The following RHCE variants were observed in gnomAD, a reference collection of about 807,000 sequenced individuals.
RHCE encodes the protein blood group Rh(CE) polypeptide.
A neutral mutation model predicts 43.8 loss-of-function variants in RHCE; 22 were observed. The observed-to-expected ratio is 0.50, with a 90% CI of 0.36 to 0.72. RHCE has a LOEUF of 0.72. Ranked by LOEUF, RHCE falls within the 30% of genes least tolerant of loss-of-function variation. The pLI is 0.00. For synonymous variants in RHCE, 156 were observed against 210.7 expected, an observed-to-expected ratio of 0.74 and a Z score of 2.25; for missense variants, 385 against 525.4, an observed-to-expected ratio of 0.73 and a Z score of 2.61.
intron 7 of RHCE, among the ~76,000 whole-genome samples, chr1:25,384,832 G>A (rs1646102202): frequency 6.6e-6 from 1 of 152,140 alleles, no homozygotes. Flanking sequence ...ATTTCTTAGA[G>A]TCTGAGAATA....
rs144989148 is a variant in RHCE, at chr1:25,405,290, C to T, written c.336-2544G>A. Reference sequence around the variant, plus strand: ...GGAGGATCACCTGAACCCAGTGAGGCTGAGGCTGAGTGAGCCATGAACATG... The same window carrying T: ...GGAGGATCACCTGAACCCAGTGAGGTTGAGGCTGAGTGAGCCATGAACATG... On this transcript the variant is annotated intron_variant, in intron 2 of 9. Coordinates refer to ENST00000294413, the MANE Select transcript of RHCE (RefSeq NM_020485.8). Among the ~76,000 whole-genome samples the T allele has an allele frequency of 5.3e-5, 8 of 152,254 alleles. No individual in the cohort carries two copies. In the South Asian group the frequency reaches 6.2e-4, roughly 12 times the overall value.
chr1:25,404,700 C>T (rs1240535887), intron 2 of RHCE, among the ~76,000 whole-genome samples: 4 of 151,924 alleles, frequency 2.6e-5, no homozygotes, highest in Middle Eastern at 6.8e-3. Context: ...GACTCAGACA[C>T]TTTCTGGCTG....
At chr1:25,384,939 A>C (rs1178181927) in intron 7 of RHCE, among the ~76,000 whole-genome samples, 1 of 152,238 alleles carries the variant, frequency 6.6e-6, no homozygotes, top group African/African-American at 2.4e-5. Flanking sequence ...ACAGTAGTAA[A>C]TGTTATCAGT....
rs577208937 is a variant in RHCE, at chr1:25,372,769, T to G, written c.1154-2229A>C. Among the ~76,000 whole-genome samples the G allele has an allele frequency of 2.4e-4, 36 of 151,828 alleles. 2 individuals carry two copies. Among genetic ancestry groups the G allele is most frequent in the African/African-American group, 7.5e-4 (31 of 41,160 alleles). On this transcript the variant is annotated intron_variant, in intron 8 of 9. Coordinates refer to ENST00000294413, the MANE Select transcript of RHCE (RefSeq NM_020485.8). ...GAGTCCATTTGGTGCAATTTTGGCT[T>G]CTTGAGGAACTTTCTCCCCCTTCCA...
chr1:25,362,390 A>C lies in RHCE; in HGVS notation c.*137T>G. 2 of 1,593,036 alleles carry C rather than the reference A, an allele frequency of 1.3e-6. No individual in the cohort carries two copies. The highest frequency in any genetic ancestry group is 1.7e-6 in the Non-Finnish European group (2 of 1,168,992). On this transcript the variant is annotated 3_prime_UTR_variant, in exon 10 of 10. Coordinates refer to ENST00000294413, the MANE Select transcript of RHCE (RefSeq NM_020485.8). Reference sequence around the variant, plus strand: ...TTTAGTCTTTAATTTTTTAATATCAAATCTGTCTCTGACCTTGTTTCATTA... The same window carrying C: ...TTTAGTCTTTAATTTTTTAATATCACATCTGTCTCTGACCTTGTTTCATTA...
intron 1 of RHCE, chr1:25,411,546 AC>A: frequency 7.7e-7 from 1 of 1,303,140 alleles, no homozygotes; most frequent in Non-Finnish European, 1.0e-6. Context: ...GATATAGGAG[AC>A]CCCCAAGGAC....
intron 7 of RHCE, among the ~76,000 whole-genome samples, chr1:25,380,217 T>A (rs1645951997): frequency 7.1e-6 from 1 of 140,052 alleles, no homozygotes; most frequent in Admixed American, 7.4e-5. Flanking sequence ...GGTAACTGGT[T>A]CCAGGAAAGT....
At chr1:25,372,578 C>A (rs968917214) in intron 8 of RHCE, among the ~76,000 whole-genome samples, 1 of 151,492 alleles carries the variant, frequency 6.6e-6, no homozygotes, top group Non-Finnish European at 1.5e-5. Flanking sequence ...CTTCTAACTT[C>A]TGCTGGTGTA....
intron 3 of RHCE, among the ~76,000 whole-genome samples, chr1:25,400,088 G>T (rs1395224321): frequency 6.6e-6 from 1 of 152,072 alleles, no homozygotes. Context: ...CCAACTCAAA[G>T]GCTTGACTCT....
At chr1:25,415,443 G>A (rs971735321) in intron 1 of RHCE, among the ~76,000 whole-genome samples, 1 of 152,130 alleles carries the variant, frequency 6.6e-6, no homozygotes. Flanking sequence ...ACCTGAGGTT[G>A]GGAGTTCGAG....
chr1:25,394,041 T>A (rs1391873313), intron 3 of RHCE, among the ~76,000 whole-genome samples: 4 of 152,176 alleles, frequency 2.6e-5, no homozygotes, highest in Admixed American at 2.0e-4. Flanking sequence ...CAGGCTGGAG[T>A]GCAGTGGTGC....
intron 2 of RHCE, among the ~76,000 whole-genome samples, chr1:25,427,606 T>C (rs2042814897): frequency 6.6e-6 from 1 of 152,004 alleles, no homozygotes; most frequent in South Asian, 2.1e-4. Flanking sequence ...TCTGGAGGAG[T>C]GAAAGAGGAA....
At chr1:25,371,410 A>T (rs1349796886) in intron 8 of RHCE, among the ~76,000 whole-genome samples, 4 of 151,396 alleles carry the variant, frequency 2.6e-5, no homozygotes, top group Non-Finnish European at 4.4e-5. Flanking sequence ...TCATTCTGTT[A>T]TCCAGGCTGG....
chr1:25,419,725 C>T (rs1202621728), intron 1 of RHCE: 1 of 142,210 alleles, frequency 7.0e-6, no homozygotes, highest in Non-Finnish European at 1.5e-5. Flanking sequence ...TATAAAATAA[C>T]CATCATCCTA....
intron 3 of RHCE, among the ~76,000 whole-genome samples, chr1:25,399,564 G>C (rs1217938232): frequency 6.6e-6 from 1 of 150,680 alleles, no homozygotes; most frequent in African/African-American, 2.4e-5. Flanking sequence ...TATTTGCCTT[G>C]GGAATAATGG....
intron 7 of RHCE, among the ~76,000 whole-genome samples, chr1:25,378,002 A>G (rs564066674): frequency 3.3e-4 from 51 of 152,322 alleles, no homozygotes; most frequent in African/African-American, 1.2e-3. Flanking sequence ...AGAACACCAC[A>G]ATAGAAAATG....
chr1:25,378,489 T>A (rs140436720), intron 7 of RHCE, among the ~76,000 whole-genome samples: 1,652 of 152,338 alleles, frequency 0.011, 22 homozygotes, highest in Non-Finnish European at 0.013. Context: ...CCAACTATCT[T>A]TTCTTAGATT....
At chr1:25,382,581 T>C (rs1019573503) in intron 7 of RHCE, among the ~76,000 whole-genome samples, 3 of 151,714 alleles carry the variant, frequency 2.0e-5, no homozygotes, top group Non-Finnish European at 2.9e-5. Flanking sequence ...ATCACCATGA[T>C]AACAGTCTCC....
intron 7 of RHCE, among the ~76,000 whole-genome samples, chr1:25,378,840 A>C (rs1489086498): frequency 1.3e-5 from 2 of 152,176 alleles, no homozygotes; most frequent in Non-Finnish European, 2.9e-5. Context: ...CCTTCCAATA[A>C]TACTGGAAGA....
Sources: allele counts gnomAD v4.1 joint callset (sites outside exome capture counted in the v4.1 genomes callset), GRCh38; gene constraint gnomAD v4.1.1; transcripts MANE v1.5; gene names NCBI Gene and HGNC (gene_info 2026-07-23, HGNC 2026-07-21).